The following USP16 variants were observed in gnomAD, a reference collection of about 807,000 sequenced individuals.
The protein encoded by USP16 is ubiquitin carboxyl-terminal hydrolase 16.
A neutral mutation model predicts 95.9 loss-of-function variants in USP16; 77 were observed. That is an observed-to-expected ratio of 0.80 (90% CI 0.67 to 0.97). The LOEUF is 0.97. USP16 is among the 50% of genes least tolerant of loss of function. The pLI, the probability that USP16 is intolerant of heterozygous loss-of-function variation, is 0.00. For synonymous variants in USP16, 303 were observed against 318.2 expected (o/e 0.95, Z 0.51); for missense variants, 943 against 959.9 (o/e 0.98, Z 0.23).
Position 29,032,159 on chromosome 21 carries a change from C to T in USP16, c.240+1386C>T, listed in dbSNP as rs1242944484. On this transcript the variant is annotated intron_variant, in intron 3 of 17. Coordinates refer to ENST00000399976, the MANE Select transcript of USP16 (RefSeq NM_006447.3). ...GCAACTACCATTCTATTCTGTATTT[C>T]TAAATTTAGTCATTTCATCAAAAAT... 2.0e-5 allele frequency among the ~76,000 whole-genome samples: 3 copies of T among 152,162 alleles called. No homozygotes were observed. In the East Asian group the frequency reaches 5.8e-4, roughly 29 times the overall value.
chr21:29,053,172 A>T (rs2085441950), intron 16 of USP16: 2 of 152,420 alleles, frequency 1.3e-5, no homozygotes, highest in Non-Finnish European at 2.9e-5. Flanking sequence ...AGACAGTACT[A>T]CTGAAGGGCC....
chr21:29,025,196 G>A (rs1176208650), intron 1 of USP16, among the ~76,000 whole-genome samples: 1 of 152,196 alleles, frequency 6.6e-6, no homozygotes, highest in African/African-American at 2.4e-5. Context: ...TCTAGGAGGG[G>A]ATTGATATAC....
chr21:29,046,636 T>C (rs1447277155), intron 13 of USP16, 31 bp from the exon 14 acceptor site: 1 of 1,556,242 alleles, frequency 6.4e-7, no homozygotes, highest in Admixed American at 2.1e-5. Context: ...TCTTTTTCTT[T>C]ATTTTTTGAT....
At chr21:29,042,762 T>C (rs534319791) in intron 12 of USP16, 2 of 422,356 alleles carry the variant, frequency 4.7e-6, no homozygotes, top group Admixed American at 4.5e-5. Flanking sequence ...ATTAGTTTGA[T>C]TGGTTTCCAT....
In USP16 at chr21:29,053,908, C is replaced by A; in HGVS notation, c.2300C>A (p.Thr767Asn). The A allele has an allele frequency of 6.2e-7, 1 of 1,614,230 alleles. No individual in the cohort carries two copies. Residue 767 changes from threonine (T) to asparagine (N), a missense_variant, in exon 17 of 18, where the codon ACC becomes AAC. Coordinates refer to ENST00000399976, the MANE Select transcript of USP16 (RefSeq NM_006447.3). ...GHYTAYAKAR[T>N]ANSHLSNLVL... ...TACACTGCCTATGCCAAGGCAAGAACCGCAAATAGTCATCTCTCTAATCTT... is the reference window on the plus strand; with the variant it reads ...TACACTGCCTATGCCAAGGCAAGAAACGCAAATAGTCATCTCTCTAATCTT...
intron 3 of USP16, 86 bp from the exon 4 acceptor site, chr21:29,034,751 C>A: frequency 1.7e-6 from 2 of 1,184,480 alleles, no homozygotes; most frequent in Non-Finnish European, 2.5e-6. Flanking sequence ...ATTTCATGAG[C>A]CACTTCCTTG....
Position 29,039,457 on chromosome 21 carries a change from TTCTG to T in USP16, c.864-20_864-17del, listed in dbSNP as rs1228716186. 5 of 1,609,358 alleles carry T rather than the reference TTCTG, an allele frequency of 3.1e-6. No individual in the cohort carries two copies. Among genetic ancestry groups the T allele is most frequent in the South Asian group, 2.2e-5 (2 of 90,654 alleles). On this transcript the variant is annotated intron_variant, in intron 8 of 17. Transcript: ENST00000399976. ...GAGCTTAGTAGACTGAAGATTGCTT[TTCTG>T]TCTTTTTGTTTTTCTCTAGAGCAGT...
chr21:29,043,702 A>G, intron 13 of USP16, 103 bp downstream of exon 13: 3 of 1,065,188 alleles, frequency 2.8e-6, no homozygotes, highest in Middle Eastern at 2.7e-4. Flanking sequence ...TATTTTAGAT[A>G]CAGCACTTTC....
chr21:29,039,247 T>A (rs1176638556), intron 8 of USP16, 91 bp downstream of exon 8: 1 of 1,205,466 alleles, frequency 8.3e-7, no homozygotes, highest in Non-Finnish European at 1.1e-6. Context: ...AAAATATTAA[T>A]AGCATTACAT....
At chr21:29,029,833 T>C (rs931031712) in intron 2 of USP16, among the ~76,000 whole-genome samples, 5 of 152,228 alleles carry the variant, frequency 3.3e-5, no homozygotes, top group African/African-American at 1.2e-4. Context: ...TGAGTCTAAA[T>C]TCTGGCATAG....
chr21:29,045,997 T>A (rs1305439457), intron 13 of USP16, among the ~76,000 whole-genome samples: 1 of 152,116 alleles, frequency 6.6e-6, no homozygotes, highest in South Asian at 2.1e-4. Context: ...CTAATTTTTG[T>A]ATTTTTAGTA....
chr21:29,050,082 T>C lies in USP16; in HGVS notation c.2107-10T>C. ...AGAAAAGAAGTCAATCTGTTATGCT[T>C]CTCTTTTAGGCTGGTTTTAACCTAC... On this transcript the variant is annotated splice_polypyrimidine_tract_variant and intron_variant, in intron 15 of 17. Transcript: ENST00000399976. 1 of 1,608,000 alleles carries C rather than the reference T, an allele frequency of 6.2e-7. No individual in the cohort carries two copies. The highest frequency in any genetic ancestry group is 8.5e-7 in the Non-Finnish European group (1 of 1,177,894).
Position 29,042,009 on chromosome 21 carries a change from A to G in USP16, c.1031-4A>G. 6 of 1,611,092 alleles carry G rather than the reference A, an allele frequency of 3.7e-6. No homozygotes were observed. Among genetic ancestry groups the G allele is most frequent in the East Asian group, 2.2e-5 (1 of 44,782 alleles). On this transcript the variant is annotated splice_polypyrimidine_tract_variant and splice_region_variant and intron_variant, in intron 10 of 17. Coordinates refer to ENST00000399976, the MANE Select transcript of USP16 (RefSeq NM_006447.3). ...GTAATTGATAGACTTTTTTTTCTCCATAGATTATGAGAAGAAAAAATCAAT... is the reference window on the plus strand; with the variant it reads ...GTAATTGATAGACTTTTTTTTCTCCGTAGATTATGAGAAGAAAAAATCAAT...
intron 5 of USP16, among the ~76,000 whole-genome samples, chr21:29,036,633 C>G (rs1045593074): frequency 6.6e-6 from 1 of 152,212 alleles, no homozygotes; most frequent in Non-Finnish European, 1.5e-5. Flanking sequence ...TAACCCTAGC[C>G]AGGCTTACTA....
intron 9 of USP16, 107 bp downstream of exon 9, chr21:29,039,675 C>G (rs967042842): frequency 7.1e-6 from 8 of 1,120,824 alleles, no homozygotes; most frequent in Non-Finnish European, 8.5e-6. Context: ...TTAAGGCCAT[C>G]ATACTTTAAA....
At chr21:29,039,932 T>G (rs1373117382) in intron 9 of USP16, among the ~76,000 whole-genome samples, 1 of 152,196 alleles carries the variant, frequency 6.6e-6, no homozygotes, top group Non-Finnish European at 1.5e-5. Flanking sequence ...AATACTGTTT[T>G]TTGAACCTAG....
intron 1 of USP16, among the ~76,000 whole-genome samples, chr21:29,026,225 G>A (rs556182903): frequency 1.4e-4 from 21 of 152,104 alleles, no homozygotes; most frequent in Non-Finnish European, 1.9e-4. Flanking sequence ...TTGGGAGGCC[G>A]AGGCAGGTGG....
At chr21:29,052,634 G>A (rs1031449642) in intron 16 of USP16, 7 of 152,260 alleles carry the variant, frequency 4.6e-5, no homozygotes, top group Non-Finnish European at 1.0e-4. Flanking sequence ...TATCAGGAAT[G>A]AAGCCAAAAG....
rs578252032 is a variant in USP16 at position 29,043,472 on chromosome 21, A to T, written c.1229A>T (p.Asp410Val). 1 of 1,580,248 alleles carries T rather than the reference A, an allele frequency of 6.3e-7. No homozygotes were observed. Among genetic ancestry groups the T allele is most frequent in the South Asian group, 1.2e-5 (1 of 83,348 alleles). Residue 410 changes from aspartate to valine, a missense_variant, in exon 13 of 18, where the codon GAT becomes GTT. By Grantham distance (152) the Asp-to-Val change is radical (BLOSUM62 -3). Coordinates refer to ENST00000399976, the MANE Select transcript of USP16 (RefSeq NM_006447.3). ...NDKNLKKTVE[D>V]EDQDSEEEKD... ...AAAAATCTGAAAAAGACAGTGGAGG[A>T]TGAAGATCAAGATAGTGAGGAAGAA...
Sources: gnomAD v4.1 joint callset for allele counts (sites outside exome capture counted in the v4.1 genomes callset) on GRCh38, gnomAD v4.1.1 for gene constraint, MANE v1.5 for transcripts, NCBI Gene and HGNC (gene_info 2026-07-23, HGNC 2026-07-21) for gene names.